Variants in DCHS2 observed in about 807,000 individuals in gnomAD.
DCHS2 encodes the protein protocadherin-23.
A neutral mutation model predicts 182.4 loss-of-function variants in DCHS2; 142 were observed. The observed-to-expected ratio is 0.78, with a 90% CI of 0.68 to 0.89. DCHS2 has a LOEUF of 0.89. DCHS2 is among the 40% of genes least tolerant of loss of function. The pLI, the probability that DCHS2 is intolerant of heterozygous loss-of-function variation, is 0.00. For missense variants in DCHS2, 4,319 were observed against 4,198.6 expected, an observed-to-expected ratio of 1.03 and a Z score of -0.79; for synonymous variants, 1,740 against 1,663.3, an observed-to-expected ratio of 1.05 and a Z score of -1.12.
intron 1 of DCHS2, among the ~76,000 whole-genome samples, chr4:154,442,997 C>T (rs541182231): frequency 3.3e-5 from 5 of 152,132 alleles, no homozygotes; most frequent in Admixed American, 3.3e-4. Context: ...TACAAACACC[C>T]CAAACTCAAC....
chr4:154,303,210 G>C (rs1278986497), intron 12 of DCHS2, among the ~76,000 whole-genome samples: 1 of 152,016 alleles, frequency 6.6e-6, no homozygotes. Context: ...TCGAACTCCT[G>C]ACCTCAGGTG....
intron 1 of DCHS2, among the ~76,000 whole-genome samples, chr4:154,457,199 C>T (rs1170879780): frequency 6.6e-6 from 1 of 152,106 alleles, no homozygotes; most frequent in Non-Finnish European, 1.5e-5. Context: ...AGAAAACAGG[C>T]CTCCGTAAAC....
At chr4:154,488,764 G>T (rs918456550) in intron 1 of DCHS2, among the ~76,000 whole-genome samples, 1 of 152,064 alleles carries the variant, frequency 6.6e-6, no homozygotes, top group Admixed American at 6.5e-5. Flanking sequence ...AATTAGCCAG[G>T]TATGGTGGCA....
chr4:154,417,616 C>T (rs1271744646), intron 1 of DCHS2, among the ~76,000 whole-genome samples: 2 of 152,040 alleles, frequency 1.3e-5, no homozygotes, highest in Non-Finnish European at 1.5e-5. Context: ...AAAAACAAAA[C>T]AAAAAACTAT....
chr4:154,311,868 A>G (rs550865999), intron 10 of DCHS2, among the ~76,000 whole-genome samples: 1 of 152,252 alleles, frequency 6.6e-6, no homozygotes, highest in Admixed American at 6.5e-5. Flanking sequence ...TTATAATACT[A>G]TATATTAAAT....
Position 154,489,703 on chromosome 4 carries a change from G to A in DCHS2, c.1653C>T (p.Ala551=), listed in dbSNP as rs1728723856. 1 of 1,551,546 alleles carries A rather than the reference G, an allele frequency of 6.4e-7. No individual in the cohort carries two copies. Among genetic ancestry groups the A allele is most frequent in the African/African-American group, 1.4e-5 (1 of 73,048 alleles). ...QQHYKASVSE[A]AAPGTVVMWV... The stretch of plus-strand genomic sequence containing the variant: ...ACATGACTACAGTGCCAGGGGCCGC[G>A]GCCTCGGACACTGAGGCCTTGTAAT... The change falls in exon 1 of 20, where the codon GCC becomes GCT. Residue 551 remains alanine, a synonymous_variant. Coordinates refer to ENST00000357232, the MANE Select transcript of DCHS2 (RefSeq NM_001358235.2).
chr4:154,237,189 T>C, intron 19 of DCHS2, 30 bp from the exon 20 acceptor site: 2 of 1,568,942 alleles, frequency 1.3e-6, no homozygotes, highest in Non-Finnish European at 1.7e-6. Flanking sequence ...ATTTCAACAC[T>C]GTGAGGTGCA....
At chr4:154,280,661 C>T (rs1734087854) in intron 13 of DCHS2, among the ~76,000 whole-genome samples, 1 of 151,844 alleles carries the variant, frequency 6.6e-6, no homozygotes. Context: ...AAGCGTATAA[C>T]AAAATTCAAC....
intron 1 of DCHS2, among the ~76,000 whole-genome samples, chr4:154,427,378 G>A (rs533871146): frequency 1.3e-3 from 198 of 152,234 alleles, no homozygotes; most frequent in African/African-American, 3.9e-3. Flanking sequence ...GGCAAACGCC[G>A]AGCTCTGACC....
At chr4:154,404,492 A>G (rs933743854) in intron 1 of DCHS2, among the ~76,000 whole-genome samples, 3 of 152,232 alleles carry the variant, frequency 2.0e-5, no homozygotes, top group Non-Finnish European at 4.4e-5. Flanking sequence ...ATGTTCTGCA[A>G]CTGTTAGATA....
intron 16 of DCHS2, among the ~76,000 whole-genome samples, chr4:154,246,658 A>G (rs185482047): frequency 6.6e-6 from 1 of 152,192 alleles, no homozygotes; most frequent in Non-Finnish European, 1.5e-5. Context: ...GAGAGATATC[A>G]GAAGACAACA....
Position 154,366,325 on chromosome 4 carries a change from G to A in DCHS2, c.2361C>T (p.Gly787=). ...VTSISDETQP[G]TEIINVLATD... ...TGGCAAGAACATTGATGATCTCGGTGCCTGGCTGGGTCTCATCACTGATGC... is the reference window on the plus strand; with the variant it reads ...TGGCAAGAACATTGATGATCTCGGTACCTGGCTGGGTCTCATCACTGATGC... The change falls in exon 3 of 20, where the codon GGC becomes GGT. Residue 787 remains glycine (G), a synonymous_variant. Coordinates refer to ENST00000357232, the MANE Select transcript of DCHS2 (RefSeq NM_001358235.2). The A allele has an allele frequency of 2.5e-6, 4 of 1,613,722 alleles. No individual in the cohort carries two copies. The highest frequency in any genetic ancestry group is 3.4e-6 in the Non-Finnish European group (4 of 1,179,816).
intron 1 of DCHS2, among the ~76,000 whole-genome samples, chr4:154,469,604 A>C (rs1163723817): frequency 1.3e-5 from 2 of 152,174 alleles, no homozygotes; most frequent in African/African-American, 4.8e-5. Flanking sequence ...CAAATCTCTC[A>C]TCACAGTCTG....
intron 1 of DCHS2, among the ~76,000 whole-genome samples, chr4:154,413,310 G>T (rs982157762): frequency 1.3e-5 from 2 of 152,024 alleles, no homozygotes; most frequent in African/African-American, 4.8e-5. Context: ...ATCTTTTCCT[G>T]TTCTCAAATG....
chr4:154,276,347 C>CA (rs1733853629), intron 13 of DCHS2, among the ~76,000 whole-genome samples: 1 of 151,938 alleles, frequency 6.6e-6, no homozygotes, highest in Admixed American at 6.6e-5. Flanking sequence ...TTCTTCTTTA[C>CA]AAAAATAGAG....
chr4:154,350,415 AT>A (rs1408369789), intron 3 of DCHS2, among the ~76,000 whole-genome samples: 1 of 151,838 alleles, frequency 6.6e-6, no homozygotes, highest in Admixed American at 6.6e-5. Flanking sequence ...TTTTTTTTAA[AT>A]TTTTTTTCAA....
chr4:154,322,501 GA>G lies in DCHS2; in HGVS notation c.4019-14del, dbSNP rs138961696. 4,300 of 1,577,662 alleles carry G rather than the reference GA, an allele frequency of 2.7e-3. 48 individuals are homozygous for G. In the African/African-American group the frequency reaches 0.033, roughly 12 times the overall value. Reference sequence around the variant, plus strand: ...TCAGAACTATCTTCTACACACACAAGAAAATTAAGAAATGAATGTTAATTGA... The same window carrying G: ...TCAGAACTATCTTCTACACACACAAGAAATTAAGAAATGAATGTTAATTGA... On this transcript the variant is annotated splice_polypyrimidine_tract_variant and intron_variant, in intron 7 of 19. Coordinates refer to ENST00000357232, the MANE Select transcript of DCHS2 (RefSeq NM_001358235.2).
At chr4:154,425,640 C>T (rs1233652539) in intron 1 of DCHS2, among the ~76,000 whole-genome samples, 1 of 152,198 alleles carries the variant, frequency 6.6e-6, no homozygotes, top group Non-Finnish European at 1.5e-5. Context: ...ATAGAAAGTG[C>T]ATTTCTGGTT....
chr4:154,457,736 C>T (rs1734829880), intron 1 of DCHS2, among the ~76,000 whole-genome samples: 1 of 152,152 alleles, frequency 6.6e-6, no homozygotes, highest in African/African-American at 2.4e-5. Flanking sequence ...CACAGAATCA[C>T]CTGGAGGGCT....
Sources: gnomAD v4.1 joint callset for allele counts (sites outside exome capture counted in the v4.1 genomes callset) on GRCh38, gnomAD v4.1.1 for gene constraint, MANE v1.5 for transcripts, NCBI Gene and HGNC (gene_info 2026-07-23, HGNC 2026-07-21) for gene names.